Variants in RNF207 observed in about 807,000 individuals in gnomAD.
The protein encoded by RNF207 is OTTHUMG00000001089.
RNF207 carries 72 observed loss-of-function variants against 79.0 expected under a neutral mutation model. The observed-to-expected ratio is 0.91, with a 90% CI of 0.75 to 1.11. The LOEUF is 1.11. Among genes scored for constraint, RNF207 ranks in the 50% least tolerant of loss-of-function variants. The pLI, the probability that RNF207 is intolerant of heterozygous loss-of-function variation, is 0.00. For synonymous variants in RNF207, 348 were observed against 366.2 expected, an observed-to-expected ratio of 0.95 and a Z score of 0.57; for missense variants, 936 against 855.8, an observed-to-expected ratio of 1.09 and a Z score of -1.17.
At chr1:6,212,127 C>T (rs1412447986) in intron 13 of RNF207, 74 bp downstream of exon 13, 101 of 1,542,684 alleles carry the variant, frequency 6.5e-5, no homozygotes, top group South Asian at 4.8e-4. Flanking sequence ...TCAGGGAAAT[C>T]GAGTTCTCCC....
rs1234995897 is a variant in RNF207, at chr1:6,217,792, C to T, written c.1653-497C>T. ...TAGAAGTCTATGATTCCCATCACCG[C>T]GGGGCTGGACAGCTCTCTTGGGGAC... On this transcript the variant is annotated intron_variant, in intron 16 of 17. Coordinates refer to ENST00000377939, the MANE Select transcript of RNF207 (RefSeq NM_207396.3). This position sits in a 1 kb window ranked among gnomAD's most constrained non-coding sequence, Gnocchi z 4.2. 2.6e-5 allele frequency among the ~76,000 whole-genome samples: 4 copies of T among 152,306 alleles called. No homozygotes were observed. The highest frequency in any genetic ancestry group is 4.1e-4 in the South Asian group (2 of 4,824).
Position 6,207,521 on chromosome 1 carries a change from G to A in RNF207, c.324+10G>A. Reference sequence around the variant, plus strand: ...GGAGTGCAGCGAGCAGGCAGGGGCGGCAGGGCGGGTGGGTGAGGAGCAGAG... The same window carrying A: ...GGAGTGCAGCGAGCAGGCAGGGGCGACAGGGCGGGTGGGTGAGGAGCAGAG... On this transcript the variant is annotated intron_variant, in intron 3 of 17. Coordinates refer to ENST00000377939, the MANE Select transcript of RNF207 (RefSeq NM_207396.3). The surrounding 1 kb of genome is among the most constrained non-coding windows in gnomAD (Gnocchi z 4.5). The A allele has an allele frequency of 6.3e-7, 1 of 1,594,498 alleles. No individual in the cohort carries two copies.
rs1485555623 is a variant in RNF207 at position 6,211,634 on chromosome 1, G to C, written c.1110-233G>C. Among the ~76,000 whole-genome samples the C allele has an allele frequency of 6.6e-6, 1 of 152,194 alleles. No individual in the cohort carries two copies. ...GTCCTGGCCCCGGCAGCATTCCGAC[G>C]GACTTGCTCTTGGCCCCACATCCTG... On this transcript the variant is annotated intron_variant, in intron 12 of 17. Coordinates refer to ENST00000377939, the MANE Select transcript of RNF207 (RefSeq NM_207396.3). This position sits in a 1 kb window ranked among gnomAD's most constrained non-coding sequence, Gnocchi z 4.2.
rs188237988 is a variant in RNF207 at position 6,217,492 on chromosome 1, G to A, written c.1653-797G>A. 2.0e-5 allele frequency among the ~76,000 whole-genome samples: 3 copies of A among 152,280 alleles called. No homozygotes were observed. The highest frequency in any genetic ancestry group is 1.9e-4 in the East Asian group (1 of 5,182). On this transcript the variant is annotated intron_variant, in intron 16 of 17. Transcript: ENST00000377939. This position sits in a 1 kb window ranked among gnomAD's most constrained non-coding sequence, Gnocchi z 4.2. Reference sequence around the variant, plus strand: ...CTACCTGGATGTCTACAGGCACCGCGAGTTCAGCAGTGGCCAGAATGCTTG... The same window carrying A: ...CTACCTGGATGTCTACAGGCACCGCAAGTTCAGCAGTGGCCAGAATGCTTG...
chr1:6,213,713 G>A (rs937631332), intron 16 of RNF207, among the ~76,000 whole-genome samples: 10 of 152,288 alleles, frequency 6.6e-5, no homozygotes, highest in East Asian at 1.9e-4. Context: ...AGGGTGTCAC[G>A]AGGGTCCTGC....
In RNF207 at chr1:6,219,266, AGAG is replaced by A. The variant is rs1159286432; in HGVS notation, c.1765_1767del (p.Glu589del). ...ATCCAGGAAGTGTCCCGGAAAAGAG[AGAG>A]AAGACATCAGAGCCTAAAGGAAACA... On this transcript the variant is annotated inframe_deletion, in exon 18 of 18. Coordinates refer to ENST00000377939, the MANE Select transcript of RNF207 (RefSeq NM_207396.3). 1 of 1,612,406 alleles carries A rather than the reference AGAG, an allele frequency of 6.2e-7. No individual in the cohort carries two copies.
In RNF207 at chr1:6,207,339, G is replaced by A. The variant is rs763160782; in HGVS notation, c.192-40G>A. On this transcript the variant is annotated intron_variant, in intron 2 of 17. Coordinates refer to ENST00000377939, the MANE Select transcript of RNF207 (RefSeq NM_207396.3). The surrounding 1 kb of genome is among the most constrained non-coding windows in gnomAD (Gnocchi z 4.5). ...AGGGGTGGGGGTGGGGAGCCCTGGG[G>A]AAGGGGTATCAGAATCTCGGGGCCT... The A allele has an allele frequency of 1.3e-5, 19 of 1,499,428 alleles. No individual in the cohort carries two copies. Among genetic ancestry groups the A allele is most frequent in the Non-Finnish European group, 1.5e-5 (17 of 1,124,782 alleles). The allele number at this position is 1,499,428 out of a possible 1,614,324, so 92.9% of individuals were successfully genotyped here. A position where few individuals can be genotyped will look rare whatever the true frequency, so the allele number is the denominator to read the frequency against.
chr1:6,211,047 C>A lies in RNF207; in HGVS notation c.1038C>A (p.Phe346Leu). Residue 346 changes from phenylalanine to leucine, a missense_variant, in exon 12 of 18, where the codon TTC (phenylalanine) becomes TTA (leucine). Coordinates refer to ENST00000377939, the MANE Select transcript of RNF207 (RefSeq NM_207396.3). This position sits in a 1 kb window ranked among gnomAD's most constrained non-coding sequence, Gnocchi z 4.2. ...SKIASDHRAE[F>L]ARCLEPLLLL... The stretch of plus-strand genomic sequence containing the variant: ...TTGCCAGTGACCACCGAGCTGAATT[C>A]GCGCGCTGTCTGGAGCCACTGCTGC... The A allele has an allele frequency of 1.2e-6, 2 of 1,609,078 alleles. No individual in the cohort carries two copies. The highest frequency in any genetic ancestry group is 1.1e-5 in the South Asian group (1 of 90,582).
Position 6,209,311 on chromosome 1 carries a change from C to A in RNF207, c.595C>A (p.Gln199Lys). 1 of 1,547,524 alleles carries A rather than the reference C, an allele frequency of 6.5e-7. No homozygotes were observed. Among genetic ancestry groups the A allele is most frequent in the East Asian group, 2.4e-5 (1 of 40,942 alleles). ...CGTGGACCTGGAATCGGCTTACGTG[C>A]AGGGCTGCGAGCGGCTGGAGCAGGC... Reference protein sequence around the residue: ...HCVDLESAYVQGCERLEQAVL... With the variant: ...HCVDLESAYVKGCERLEQAVL... The change falls in exon 6 of 18, where the codon CAG becomes AAG. Residue 199 changes from glutamine (Q) to lysine (K), a missense_variant. Gln to Lys is a moderately conservative substitution (Grantham distance 53). Transcript: ENST00000377939.
Position 6,210,368 on chromosome 1 carries a change from A to C in RNF207, c.874-2A>C, listed in dbSNP as rs772305460. The C allele has an allele frequency of 6.2e-7, 1 of 1,613,402 alleles. No homozygotes were observed. Among genetic ancestry groups the C allele is most frequent in the African/African-American group, 1.3e-5 (1 of 74,820 alleles). ...GGCACTGAGCAGCATCCCCTCCCCC[A>C]GGTCCACCTGGTCATCTGCTCCTCC... On this transcript the variant is annotated splice_acceptor_variant, in intron 9 of 17. Coordinates refer to ENST00000377939, the MANE Select transcript of RNF207 (RefSeq NM_207396.3). LOFTEE classifies it high-confidence loss of function.
At chr1:6,214,780 G>A (rs1404843010) in intron 16 of RNF207, among the ~76,000 whole-genome samples, 4 of 150,334 alleles carry the variant, frequency 2.7e-5, no homozygotes, top group Non-Finnish European at 5.9e-5. Flanking sequence ...GACTACAGAT[G>A]TGCACCACCA....
intron 15 of RNF207, 101 bp from the exon 16 acceptor site, chr1:6,212,965 A>T (rs765681597): frequency 3.3e-4 from 285 of 854,812 alleles, no homozygotes; most frequent in Non-Finnish European, 5.2e-4. Flanking sequence ...AGAGGTCATC[A>T]TGGAAATGGT....
In RNF207 at chr1:6,217,365, G is replaced by A. The variant is rs558289421; in HGVS notation, c.1653-924G>A. Among the ~76,000 whole-genome samples the A allele has an allele frequency of 6.6e-6, 1 of 152,144 alleles. No homozygotes were observed. The highest frequency in any genetic ancestry group is 2.1e-4 in the South Asian group (1 of 4,820). ...CCTTGGGCGACCTCATTCAGTCCCTGGCTTTAAGACCCCATCATGACGCAG... is the reference window on the plus strand; with the variant it reads ...CCTTGGGCGACCTCATTCAGTCCCTAGCTTTAAGACCCCATCATGACGCAG... On this transcript the variant is annotated intron_variant, in intron 16 of 17. Coordinates refer to ENST00000377939, the MANE Select transcript of RNF207 (RefSeq NM_207396.3). This position sits in a 1 kb window ranked among gnomAD's most constrained non-coding sequence, Gnocchi z 4.2.
At position 6,209,500 on chromosome 1, in the gene RNF207, G is replaced by A. The variant is rs763794121; in HGVS notation, c.714G>A (p.Glu238=). The change falls in exon 7 of 18, where the codon GAG becomes GAA. Residue 238 remains glutamate (E), a synonymous_variant. Transcript: ENST00000377939. ...AGGAGGTGCGGCACAGCGCCGCCGA[G>A]GAGGAGGACGCTATCCACGCCCTCT... ...MVEEVRHSAA[E]EEDAIHALFG... 6 of 1,477,010 alleles carry A rather than the reference G, an allele frequency of 4.1e-6. No homozygotes were observed. Among genetic ancestry groups the A allele is most frequent in the Non-Finnish European group, 4.5e-6 (5 of 1,123,008 alleles). The allele number at this position is 1,477,010 out of a possible 1,614,324, so 91.5% of individuals were successfully genotyped here.
Position 6,207,887 on chromosome 1 carries a change from A to G in RNF207, c.324+376A>G. ...CATAGAAGCAGCTACAGCCCAGGGGAGGTGGGGACAGCATGCTGTTCCCTC... is the reference window on the plus strand; with the variant it reads ...CATAGAAGCAGCTACAGCCCAGGGGGGGTGGGGACAGCATGCTGTTCCCTC... On this transcript the variant is annotated intron_variant, in intron 3 of 17. Coordinates refer to ENST00000377939, the MANE Select transcript of RNF207 (RefSeq NM_207396.3). The surrounding 1 kb of genome is among the most constrained non-coding windows in gnomAD (Gnocchi z 4.5). The G allele has an allele frequency of 5.0e-6, 2 of 398,994 alleles. No individual in the cohort carries two copies. Among genetic ancestry groups the G allele is most frequent in the African/African-American group, 2.1e-5 (1 of 48,624 alleles). The allele number at this position is 398,994 out of a possible 1,614,324, so 24.7% of individuals were successfully genotyped here. A position where few individuals can be genotyped will look rare whatever the true frequency, so the allele number is the denominator to read the frequency against.
Position 6,209,278 on chromosome 1 carries a change from G to C in RNF207, c.562G>C (p.Ala188Pro). The change falls in exon 6 of 18, where the codon GCA becomes CCA. Residue 188 changes from alanine to proline, a missense_variant. Coordinates refer to ENST00000377939, the MANE Select transcript of RNF207 (RefSeq NM_207396.3). ...CGCCGCCTTCTGCAGGGAGAGCCGG[G>C]CACACTGCGTGGACCTGGAATCGGC... ...CFRDMQKESR[A>P]HCVDLESAYV... 1 of 1,549,032 alleles carries C rather than the reference G, an allele frequency of 6.5e-7. No homozygotes were observed. The highest frequency in any genetic ancestry group is 1.2e-5 in the South Asian group (1 of 84,036).
Position 6,209,013 on chromosome 1 carries a change from C to T in RNF207, c.457C>T (p.Pro153Ser), listed in dbSNP as rs1010585091. 1.9e-6 allele frequency: 3 copies of T among 1,541,498 alleles called. No homozygotes were observed. In the Middle Eastern group the frequency reaches 5.3e-4, roughly 272 times the overall value. ...VALGQRSRDVPQKCTLHAEPY... is the reference protein window; with the variant it reads ...VALGQRSRDVSQKCTLHAEPY... ...CCTGGGTCAGCGAAGCCGCGACGTG[C>T]CCCAGAAGTGCAGTGAGTGAGGCTT... The change falls in exon 4 of 18, where the codon CCC becomes TCC. Residue 153 changes from proline to serine, a missense_variant. Physicochemically the swap from Pro to Ser is moderately conservative, Grantham distance 74 (BLOSUM62 -1). Coordinates refer to ENST00000377939, the MANE Select transcript of RNF207 (RefSeq NM_207396.3).
At chr1:6,213,302 C>A in intron 16 of RNF207, 119 bp downstream of exon 16, 1 of 599,448 alleles carries the variant, frequency 1.7e-6, no homozygotes, top group East Asian at 3.1e-5. Context: ...GGGCGGATAA[C>A]CTGAGGTCAG....
At chr1:6,208,631 G>A in intron 3 of RNF207, 2 of 527,924 alleles carry the variant, frequency 3.8e-6, no homozygotes, top group Non-Finnish European at 6.6e-6. Context: ...TATAAAGGCA[G>A]TTTCTGCCCT....
Sources: gnomAD v4.1 joint callset for allele counts (sites outside exome capture counted in the v4.1 genomes callset) on GRCh38, gnomAD v4.1.1 for gene constraint, Gnocchi (gnomAD v3.1) non-coding constraint, MANE v1.5 for transcripts, NCBI Gene and HGNC (gene_info 2026-07-23, HGNC 2026-07-21) for gene names.